EYA1: variants seen among roughly 807,000 people sequenced by gnomAD.
EYA1 encodes the protein protein phosphatase EYA1.
Under a neutral mutation model 82.0 loss-of-function variants are expected in EYA1, and 16 were observed. That is an observed-to-expected ratio of 0.20 (90% CI 0.13 to 0.30). The LOEUF (loss-of-function observed/expected upper bound fraction) is 0.30. Among genes scored for constraint, EYA1 ranks in the 10% least tolerant of loss-of-function variants. The pLI, the probability that EYA1 is intolerant of heterozygous loss-of-function variation, is 1.00. For synonymous variants in EYA1, 261 were observed against 264.4 expected (o/e 0.99, Z 0.12); for missense variants, 633 against 730.7 (o/e 0.87, Z 1.54).
intron 2 of EYA1, among the ~76,000 whole-genome samples, chr8:71,514,981 T>G (rs1812859955): frequency 6.6e-6 from 1 of 152,170 alleles, no homozygotes; most frequent in Non-Finnish European, 1.5e-5. Flanking sequence ...GAGCAAAATT[T>G]GTATTAAGAT....
At chr8:71,485,034 C>A (rs771842448) in intron 2 of EYA1, among the ~76,000 whole-genome samples, 2 of 152,222 alleles carry the variant, frequency 1.3e-5, no homozygotes, top group Non-Finnish European at 2.9e-5. Context: ...ATAAGCAGGA[C>A]TAGAGTCCAA....
At chr8:71,417,424 T>C (rs1038425184) in intron 2 of EYA1, among the ~76,000 whole-genome samples, 1 of 152,204 alleles carries the variant, frequency 6.6e-6, no homozygotes, top group Non-Finnish European at 1.5e-5. Context: ...AATTAGAACA[T>C]GGACAAGTTT....
At chr8:71,453,326 A>C (rs1486943848) in intron 2 of EYA1, among the ~76,000 whole-genome samples, 1 of 152,236 alleles carries the variant, frequency 6.6e-6, no homozygotes, top group Non-Finnish European at 1.5e-5. Context: ...GGAGAATGGA[A>C]CCAAGTTGGA....
intron 3 of EYA1, among the ~76,000 whole-genome samples, chr8:71,342,105 T>C (rs1381709971): frequency 1.3e-5 from 2 of 152,170 alleles, no homozygotes; most frequent in African/African-American, 4.8e-5. Context: ...TGAGCCTCCA[T>C]ACTAATGCTC....
At chr8:71,455,543 CA>C (rs1308641762) in intron 2 of EYA1, among the ~76,000 whole-genome samples, 1 of 152,200 alleles carries the variant, frequency 6.6e-6, no homozygotes, top group Non-Finnish European at 1.5e-5. Context: ...AGCAGCACAT[CA>C]AAAGGCTTAT....
intron 9 of EYA1, among the ~76,000 whole-genome samples, chr8:71,278,067 C>A (rs1054150670): frequency 2.6e-5 from 4 of 152,146 alleles, no homozygotes; most frequent in Admixed American, 1.3e-4. Context: ...CCTCCTTGAG[C>A]CTTGGGGAAG....
At chr8:71,234,020 A>G (rs1335220121) in intron 12 of EYA1, among the ~76,000 whole-genome samples, 6 of 152,140 alleles carry the variant, frequency 3.9e-5, no homozygotes, top group African/African-American at 1.4e-4. Flanking sequence ...AGTGCAGTAA[A>G]TATTTTTATA....
At chr8:71,544,379 C>T (rs1055990032) in intron 1 of EYA1, among the ~76,000 whole-genome samples, 1 of 152,184 alleles carries the variant, frequency 6.6e-6, no homozygotes, top group South Asian at 2.1e-4. Flanking sequence ...TGCATGAATA[C>T]TTCTGGGAAC....
intron 2 of EYA1, among the ~76,000 whole-genome samples, chr8:71,441,750 G>T (rs987096590): frequency 6.6e-6 from 1 of 152,038 alleles, no homozygotes; most frequent in Non-Finnish European, 1.5e-5. Context: ...AATATTTGTG[G>T]TTTTCTCAAA....
chr8:71,433,333 A>C (rs975753814), intron 2 of EYA1, among the ~76,000 whole-genome samples: 1 of 152,220 alleles, frequency 6.6e-6, no homozygotes, highest in African/African-American at 2.4e-5. Context: ...GGATGTCAGA[A>C]TATTTCAGTA....
At chr8:71,420,422 C>A (rs906339764) in intron 2 of EYA1, among the ~76,000 whole-genome samples, 2 of 152,054 alleles carry the variant, frequency 1.3e-5, no homozygotes, top group Non-Finnish European at 2.9e-5. Context: ...TTTCACAATT[C>A]TTTTAAAAGA....
chr8:71,491,044 G>C (rs1340540340), intron 2 of EYA1, among the ~76,000 whole-genome samples: 1 of 151,992 alleles, frequency 6.6e-6, no homozygotes, highest in African/African-American at 2.4e-5. Context: ...AAAAAACACT[G>C]AGCATCAAAA....
At chr8:71,306,522 G>A (rs565538578) in intron 7 of EYA1, among the ~76,000 whole-genome samples, 43 of 152,128 alleles carry the variant, frequency 2.8e-4, no homozygotes, top group Non-Finnish European at 2.1e-4. Context: ...GATGCCACTC[G>A]GGGTTTGGGA....
At chr8:71,286,299 T>A (rs967807923) in intron 9 of EYA1, among the ~76,000 whole-genome samples, 3 of 152,174 alleles carry the variant, frequency 2.0e-5, no homozygotes, top group African/African-American at 7.2e-5. Flanking sequence ...GAGCACACCC[T>A]CGTGGTAAAT....
intron 11 of EYA1, among the ~76,000 whole-genome samples, chr8:71,264,224 G>A (rs1815497269): frequency 6.6e-6 from 1 of 152,134 alleles, no homozygotes; most frequent in African/African-American, 2.4e-5. Context: ...CAACCACCAT[G>A]GAAGAAAATC....
chr8:71,335,633 T>G (rs1290960248), intron 3 of EYA1, among the ~76,000 whole-genome samples: 1 of 152,158 alleles, frequency 6.6e-6, no homozygotes, highest in Non-Finnish European at 1.5e-5. Context: ...AATTCTGACA[T>G]AAGCCTGTAT....
intron 8 of EYA1, 109 bp downstream of exon 8, chr8:71,299,529 C>T (rs1001298055): frequency 2.5e-6 from 2 of 786,454 alleles, no homozygotes; most frequent in African/African-American, 1.7e-5. Flanking sequence ...AAGAAAACTA[C>T]TAAAAGCCTT....
At chr8:71,292,406 A>C (rs899065780) in intron 9 of EYA1, among the ~76,000 whole-genome samples, 3 of 152,140 alleles carry the variant, frequency 2.0e-5, no homozygotes, top group African/African-American at 7.2e-5. Context: ...TTATTATTTA[A>C]AGTAATCATG....
chr8:71,199,424 C>CA lies in EYA1; in HGVS notation c.1699-5dup. 3.1e-6 allele frequency: 5 copies of CA among 1,610,014 alleles called. No individual in the cohort carries two copies. The highest frequency in any genetic ancestry group is 3.4e-6 in the Non-Finnish European group (4 of 1,177,666). On this transcript the variant is annotated splice_polypyrimidine_tract_variant and splice_region_variant and intron_variant, in intron 17 of 17. Transcript: ENST00000340726. ...TCCTCCAGAAGGGCATCGCGTGCTG[C>CA]AGCAGAGGCACACATACATGTGAGG...
Sources: allele counts gnomAD v4.1 joint callset (sites outside exome capture counted in the v4.1 genomes callset), GRCh38; gene constraint gnomAD v4.1.1; transcripts MANE v1.5; gene names NCBI Gene and HGNC (gene_info 2026-07-23, HGNC 2026-07-21).